The following GRM5 variants were observed in gnomAD, a reference collection of about 807,000 sequenced individuals.
GRM5 encodes the protein metabotropic glutamate receptor 5.
In GRM5, 19 loss-of-function variants were observed where a neutral mutation model predicts 83.1. The observed-to-expected ratio is 0.23, with a 90% CI of 0.16 to 0.34. GRM5 has a LOEUF of 0.34. Among genes scored for constraint, GRM5 ranks in the 10% least tolerant of loss-of-function variants. The probability of loss-of-function intolerance (pLI) is 1.00; values close to 1 mark genes in which losing one functional copy is unlikely to be tolerated. For synonymous variants in GRM5, 675 were observed against 633.6 expected (o/e 1.07, Z -0.98); for missense variants, 1,160 against 1,588.3 (o/e 0.73, Z 4.58).
At chr11:89,015,162 A>G (rs181773707) in intron 2 of GRM5, among the ~76,000 whole-genome samples, 4 of 152,322 alleles carry the variant, frequency 2.6e-5, no homozygotes, top group African/African-American at 7.2e-5. Flanking sequence ...TTGAACTTCA[A>G]ATCCTTTATT....
intron 3 of GRM5, among the ~76,000 whole-genome samples, chr11:88,760,000 C>A (rs528396893): frequency 1.0e-3 from 159 of 152,104 alleles, no homozygotes; most frequent in African/African-American, 3.5e-3. Flanking sequence ...GAAATTAAGG[C>A]AGAAATCAAG....
rs1032528900 is a variant in GRM5 at position 88,794,252 on chromosome 11, C to T, written c.911+55654G>A. 3.9e-5 allele frequency among the ~76,000 whole-genome samples: 6 copies of T among 152,230 alleles called. No individual in the cohort carries two copies. The South Asian group carries it at 1.2e-3, about 32-fold the overall frequency. ...TGCAATAACCTCCTGAATGGTCTAC[C>T]TGCCTCTAATGTTACCCCATGTTCA... On this transcript the variant is annotated intron_variant, in intron 3 of 9. Coordinates refer to ENST00000305447, the MANE Select transcript of GRM5 (RefSeq NM_001143831.3).
At chr11:88,811,860 G>C (rs1340647138) in intron 3 of GRM5, among the ~76,000 whole-genome samples, 1 of 152,016 alleles carries the variant, frequency 6.6e-6, no homozygotes, top group Non-Finnish European at 1.5e-5. Flanking sequence ...AACTTACCCA[G>C]AGCTCAGTGG....
intron 2 of GRM5, among the ~76,000 whole-genome samples, chr11:89,000,472 T>C (rs1324082474): frequency 6.6e-6 from 1 of 152,170 alleles, no homozygotes; most frequent in Non-Finnish European, 1.5e-5. Context: ...ATAGCCTTTT[T>C]AATAAGTGAT....
chr11:88,641,688 A>T (rs1391481401), intron 4 of GRM5, among the ~76,000 whole-genome samples: 1 of 152,200 alleles, frequency 6.6e-6, no homozygotes, highest in African/African-American at 2.4e-5. Flanking sequence ...GAAACCCAGT[A>T]GGGGAGTTAT....
At chr11:88,715,753 A>G (rs1209860150) in intron 3 of GRM5, among the ~76,000 whole-genome samples, 2 of 152,018 alleles carry the variant, frequency 1.3e-5, no homozygotes, top group African/African-American at 4.8e-5. Flanking sequence ...AAAGGAAGAT[A>G]TAGTGGAGAA....
At chr11:88,811,616 A>G (rs771684094) in intron 3 of GRM5, among the ~76,000 whole-genome samples, 14 of 152,156 alleles carry the variant, frequency 9.2e-5, no homozygotes, top group Non-Finnish European at 1.5e-4. Context: ...AGTAGAATGA[A>G]TTCTCAAAAT....
At chr11:88,757,592 C>T (rs1264075346) in intron 3 of GRM5, among the ~76,000 whole-genome samples, 1 of 151,956 alleles carries the variant, frequency 6.6e-6, no homozygotes. Context: ...CAATGTCCCA[C>T]CCCCCTGCTA....
intron 8 of GRM5, among the ~76,000 whole-genome samples, chr11:88,531,482 C>A (rs763201259): frequency 5.8e-4 from 88 of 152,138 alleles, no homozygotes; most frequent in Non-Finnish European, 1.1e-3. Context: ...TTGATGAATT[C>A]TTTCCTCATT....
intron 2 of GRM5, among the ~76,000 whole-genome samples, chr11:89,023,539 C>G (rs1941043079): frequency 6.6e-6 from 1 of 152,008 alleles, no homozygotes; most frequent in African/African-American, 2.4e-5. Context: ...TTTTACCTTA[C>G]AGTGGGTCAG....
intron 3 of GRM5, among the ~76,000 whole-genome samples, chr11:88,698,327 A>T (rs1232467425): frequency 6.6e-6 from 1 of 152,094 alleles, no homozygotes; most frequent in African/African-American, 2.4e-5. Flanking sequence ...TATGTGTGTC[A>T]TGTCCTCTTC....
intron 8 of GRM5, among the ~76,000 whole-genome samples, chr11:88,545,768 A>T (rs1286218627): frequency 1.3e-5 from 2 of 151,878 alleles, no homozygotes; most frequent in Non-Finnish European, 2.9e-5. Context: ...TCTTCTTGTC[A>T]CTCTAAATTT....
intron 3 of GRM5, among the ~76,000 whole-genome samples, chr11:88,801,458 T>C (rs1943392597): frequency 6.6e-6 from 1 of 152,148 alleles, no homozygotes; most frequent in African/African-American, 2.4e-5. Context: ...ATAGGAGACA[T>C]TGTAAATGTT....
intron 2 of GRM5, among the ~76,000 whole-genome samples, chr11:89,003,444 GA>G (rs1940443740): frequency 6.6e-6 from 1 of 152,030 alleles, no homozygotes. Flanking sequence ...TAAATAAACA[GA>G]AAAACTTTTA....
chr11:88,999,115 G>T (rs1003262499), intron 2 of GRM5, among the ~76,000 whole-genome samples: 1 of 152,092 alleles, frequency 6.6e-6, no homozygotes, highest in Non-Finnish European at 1.5e-5. Flanking sequence ...TTACATGTTA[G>T]ACCTAAAACC....
chr11:88,766,525 C>T (rs76887859), intron 3 of GRM5, among the ~76,000 whole-genome samples: 1 of 144,148 alleles, frequency 6.9e-6, no homozygotes, highest in Non-Finnish European at 1.5e-5. Flanking sequence ...AAACTAGAAC[C>T]CTACTTTACA....
intron 2 of GRM5, among the ~76,000 whole-genome samples, chr11:88,888,816 G>C (rs1201205644): frequency 6.6e-6 from 1 of 152,164 alleles, no homozygotes; most frequent in Admixed American, 6.6e-5. Flanking sequence ...CCAAAGAAAA[G>C]TTACTTTAGG....
At chr11:88,588,085 A>G (rs1400079712) in intron 7 of GRM5, among the ~76,000 whole-genome samples, 1 of 152,204 alleles carries the variant, frequency 6.6e-6, no homozygotes, top group Non-Finnish European at 1.5e-5. Context: ...TAGCAAGATC[A>G]TCTTCTCCCA....
At chr11:88,823,455 A>C (rs572214973) in intron 3 of GRM5, among the ~76,000 whole-genome samples, 1 of 151,768 alleles carries the variant, frequency 6.6e-6, no homozygotes, top group South Asian at 2.1e-4. Flanking sequence ...CTCTGTCTTC[A>C]GTGTTAGAAG....
Sources: gnomAD v4.1 joint callset for allele counts (sites outside exome capture counted in the v4.1 genomes callset) on GRCh38, gnomAD v4.1.1 for gene constraint, MANE v1.5 for transcripts, NCBI Gene and HGNC (gene_info 2026-07-23, HGNC 2026-07-21) for gene names.